The following FBXW2 variants were observed in gnomAD, a reference collection of about 807,000 sequenced individuals.
FBXW2 encodes F-box and WD repeat domain containing 2.
FBXW2 carries 12 observed loss-of-function variants against 46.0 expected under a neutral mutation model. The ratio of observed to expected loss-of-function variants is 0.26; its 90% CI spans 0.17 to 0.42. FBXW2 has a LOEUF of 0.42. Among genes scored for constraint, FBXW2 ranks in the 10% least tolerant of loss-of-function variants. FBXW2 has a pLI of 1.00. For synonymous variants in FBXW2, 203 were observed against 209.6 expected, an observed-to-expected ratio of 0.97 and a Z score of 0.27; for missense variants, 360 against 537.0, an observed-to-expected ratio of 0.67 and a Z score of 3.26.
intron 2 of FBXW2, among the ~76,000 whole-genome samples, chr9:120,790,543 A>G (rs1248742988): frequency 6.6e-6 from 1 of 152,112 alleles, no homozygotes; most frequent in Admixed American, 6.5e-5. Flanking sequence ...TTAACAGTGA[A>G]AAGTGTGGTG....
intron 3 of FBXW2, among the ~76,000 whole-genome samples, chr9:120,782,784 G>A (rs2131353803): frequency 6.6e-6 from 1 of 152,278 alleles, no homozygotes; most frequent in Non-Finnish European, 1.5e-5. Flanking sequence ...AGAAGTTACA[G>A]TGAGCCAAGA....
chr9:120,778,256 G>T (rs1236265821), intron 4 of FBXW2, 95 bp downstream of exon 4: 11 of 1,091,882 alleles, frequency 1.0e-5, no homozygotes, highest in Non-Finnish European at 1.4e-5. Flanking sequence ...AAAAAAGCAG[G>T]TTAAATTAAA....
intron 3 of FBXW2, among the ~76,000 whole-genome samples, chr9:120,787,087 G>C (rs2044738302): frequency 6.6e-6 from 1 of 152,152 alleles, no homozygotes; most frequent in Non-Finnish European, 1.5e-5. Flanking sequence ...GGAGTGCAGT[G>C]GCACCATCTC....
rs186923071 is a variant in FBXW2, at chr9:120,774,038, A to T, written c.820-1198T>A. Among the ~76,000 whole-genome samples, 180 of 152,080 alleles carry T rather than the reference A, an allele frequency of 1.2e-3. 8 individuals carry two copies. In the East Asian group the frequency reaches 0.03, roughly 25 times the overall value. ...AGACCCCCATCTCCACACACAAAAA[A>T]TTTTTTTTAATTAGCAGCTGGGCAC... On this transcript the variant is annotated intron_variant, in intron 5 of 7. Transcript: ENST00000608872.
At chr9:120,772,358 T>C (rs571074257) in intron 6 of FBXW2, among the ~76,000 whole-genome samples, 5 of 151,966 alleles carry the variant, frequency 3.3e-5, no homozygotes, top group African/African-American at 1.2e-4. Context: ...CTGGGCCTGG[T>C]AGCAGGCGCC....
Position 120,758,878 on chromosome 9 carries a change from T to C in FBXW2, c.*5681A>G, listed in dbSNP as rs1486043662. 6.6e-6 allele frequency: 1 copy of C among 152,226 alleles called. No homozygotes were observed. Among genetic ancestry groups the C allele is most frequent in the Non-Finnish European group, 1.5e-5 (1 of 68,034 alleles). The allele number at this position is 152,226 out of a possible 1,614,324, so 9.4% of individuals were successfully genotyped here. On this transcript the variant is annotated 3_prime_UTR_variant, in exon 8 of 8. Transcript: ENST00000608872. Reference sequence around the variant, plus strand: ...CCTTGGGCAAAAGAGAGGAAGACTATTCCAAGGTCTGGAAGCAAAATGGGA... The same window carrying C: ...CCTTGGGCAAAAGAGAGGAAGACTACTCCAAGGTCTGGAAGCAAAATGGGA...
At position 120,766,126 on chromosome 9, in the gene FBXW2, C is replaced by CAA. The variant is rs2131281459; in HGVS notation, c.1077-1281_1077-1280dup. Among the ~76,000 whole-genome samples, 3 of 152,224 alleles carry CAA rather than the reference C, an allele frequency of 2.0e-5. No individual in the cohort carries two copies. In the South Asian group the frequency reaches 6.2e-4, roughly 32 times the overall value. On this transcript the variant is annotated intron_variant, in intron 7 of 7. Transcript: ENST00000608872. ...TTAGCCTAGGTTTTAAGGACACCAC[C>CAA]AAACTAGTATAGGTTCAAGAGAGCA...
intron 3 of FBXW2, among the ~76,000 whole-genome samples, chr9:120,781,028 T>C (rs1241903504): frequency 2.0e-5 from 3 of 148,078 alleles, no homozygotes; most frequent in African/African-American, 5.0e-5. Flanking sequence ...CAAGAAAGAA[T>C]ATCATGGCAA....
At chr9:120,776,818 C>G (rs2044507151) in intron 4 of FBXW2, among the ~76,000 whole-genome samples, 1 of 152,070 alleles carries the variant, frequency 6.6e-6, no homozygotes, top group African/African-American at 2.4e-5. Context: ...CAAATGTATA[C>G]CAGTTCTAAA....
At chr9:120,766,420 C>T (rs1407076271) in intron 7 of FBXW2, among the ~76,000 whole-genome samples, 3 of 152,106 alleles carry the variant, frequency 2.0e-5, no homozygotes, top group Admixed American at 1.3e-4. Flanking sequence ...TTTACATGTG[C>T]AAGGCACCGA....
intron 3 of FBXW2, among the ~76,000 whole-genome samples, chr9:120,780,040 A>G (rs780952545): frequency 7.3e-5 from 11 of 151,656 alleles, no homozygotes; most frequent in African/African-American, 2.7e-4. Context: ...CGGAAGGCTG[A>G]GGCATGAGAA....
In FBXW2 at chr9:120,793,142, C is replaced by A; in HGVS notation, c.-21+7G>T. On this transcript the variant is annotated splice_region_variant and intron_variant, in intron 2 of 7. Transcript: ENST00000608872. ...GCTCTCGGAATCGTGTTCCGCGCGG[C>A]ACTGACCTGAGCGAGCGCCCCGGGG... 1 of 628,042 alleles carries A rather than the reference C, an allele frequency of 1.6e-6. No homozygotes were observed. The highest frequency in any genetic ancestry group is 2.0e-5 in the South Asian group (1 of 50,942). The allele number at this position is 628,042 out of a possible 1,614,324, so 38.9% of individuals were successfully genotyped here.
At chr9:120,768,636 C>T (rs772598986) in intron 7 of FBXW2, among the ~76,000 whole-genome samples, 1 of 152,054 alleles carries the variant, frequency 6.6e-6, no homozygotes, top group Non-Finnish European at 1.5e-5. Context: ...GCCTGGCCAA[C>T]AGGATGAAAC....
rs1042661142 is a variant in FBXW2 at position 120,759,241 on chromosome 9, T to C, written c.*5318A>G. ...CTTTATTACTTTCAAGTACAAACAA[T>C]AACTTGGGCTTGGCTAACCAAATTT... On this transcript the variant is annotated 3_prime_UTR_variant, in exon 8 of 8. Coordinates refer to ENST00000608872, the MANE Select transcript of FBXW2 (RefSeq NM_012164.4). 6.6e-6 allele frequency: 1 copy of C among 152,220 alleles called. No individual in the cohort carries two copies. Among genetic ancestry groups the C allele is most frequent in the African/African-American group, 2.4e-5 (1 of 41,470 alleles). The allele number at this position is 152,220 out of a possible 1,614,324, so 9.4% of individuals were successfully genotyped here.
At chr9:120,781,157 G>GT (rs2044603966) in intron 3 of FBXW2, among the ~76,000 whole-genome samples, 1 of 152,170 alleles carries the variant, frequency 6.6e-6, no homozygotes, top group Non-Finnish European at 1.5e-5. Flanking sequence ...GGGCCTGATA[G>GT]TAAGTATTTT....
chr9:120,783,982 G>T (rs1050527235), intron 3 of FBXW2, among the ~76,000 whole-genome samples: 1 of 152,110 alleles, frequency 6.6e-6, no homozygotes, highest in Non-Finnish European at 1.5e-5. Flanking sequence ...TAAGTAACAA[G>T]ATGACACAAA....
At chr9:120,774,337 C>CAAAAAAAAAAAAAAAAAAAAAAA in intron 5 of FBXW2, among the ~76,000 whole-genome samples, 1 of 76,120 alleles carries the variant, frequency 1.3e-5, no homozygotes, top group African/African-American at 4.9e-5. Flanking sequence ...AACTCCATCT[C>CAAAAAAAAAAAAAAAAAAAAAAA]AAAAAAAAAA....
At chr9:120,772,913 A>C in intron 5 of FBXW2, 73 bp from the exon 6 acceptor site, 1 of 1,046,388 alleles carries the variant, frequency 9.6e-7, no homozygotes, top group Admixed American at 2.2e-5. Flanking sequence ...CTTTAAATTA[A>C]AATACAAAAA....
At chr9:120,770,249 G>T (rs1296706324) in intron 7 of FBXW2, among the ~76,000 whole-genome samples, 1 of 152,024 alleles carries the variant, frequency 6.6e-6, no homozygotes, top group African/African-American at 2.4e-5. Context: ...GGTGGCGGGC[G>T]CCTGTAGTCC....
Sources: allele counts gnomAD v4.1 joint callset (sites outside exome capture counted in the v4.1 genomes callset), GRCh38; gene constraint gnomAD v4.1.1; transcripts MANE v1.5; gene names NCBI Gene and HGNC (gene_info 2026-07-23, HGNC 2026-07-21).